The following NSMF variants were observed in gnomAD, a reference collection of about 807,000 sequenced individuals.
The protein encoded by NSMF is nasal embryonic LHRH factor.
Under a neutral mutation model 71.0 loss-of-function variants are expected in NSMF, and 31 were observed. The ratio of observed to expected loss-of-function variants is 0.44; its 90% CI spans 0.33 to 0.59. NSMF has a LOEUF of 0.59. Among genes scored for constraint, NSMF ranks in the 20% least tolerant of loss-of-function variants. NSMF has a pLI of 0.04. For synonymous variants in NSMF, 345 were observed against 287.1 expected (o/e 1.20, Z -2.04); for missense variants, 673 against 740.5 (o/e 0.91, Z 1.06).
At chr9:137,455,709 C>T (rs549957549) in intron 4 of NSMF, 75 bp from the exon 5 acceptor site, 212 of 1,490,910 alleles carry the variant, frequency 1.4e-4, no homozygotes, top group Non-Finnish European at 1.9e-4. Flanking sequence ...CCCTCAGCCC[C>T]CACCCGGTCC....
At chr9:137,456,547 C>G in intron 3 of NSMF, 61 bp from the exon 4 acceptor site, 1 of 1,192,332 alleles carries the variant, frequency 8.4e-7, no homozygotes, top group Non-Finnish European at 1.3e-6. Flanking sequence ...GCCTCTCCCT[C>G]CCTGTTGGGA....
At position 137,454,635 on chromosome 9, in the gene NSMF, A is replaced by G. The variant is rs773620633; in HGVS notation, c.780-192T>C. On this transcript the variant is annotated intron_variant, in intron 6 of 15. Transcript: ENST00000371475. ...AGTGCTCTTCCCGCGACAGCCTTCCAGGGCTCCCCTTCAACTCCAGAACAA... is the reference window on the plus strand; with the variant it reads ...AGTGCTCTTCCCGCGACAGCCTTCCGGGGCTCCCCTTCAACTCCAGAACAA... 1.5e-5 allele frequency: 23 copies of G among 1,536,088 alleles called. No homozygotes were observed. In the African/African-American group the frequency reaches 2.3e-4, roughly 16 times the overall value.
At chr9:137,450,109 G>A (rs1003060213) in intron 13 of NSMF, 67 bp downstream of exon 13, 10 of 1,584,820 alleles carry the variant, frequency 6.3e-6, no homozygotes, top group Non-Finnish European at 8.7e-6. Context: ...GGCTGTGGGG[G>A]AGGGACATGC....
chr9:137,449,848 C>T, intron 14 of NSMF, 75 bp downstream of exon 14: 1 of 1,410,418 alleles, frequency 7.1e-7, no homozygotes, highest in Non-Finnish European at 1.0e-6. Flanking sequence ...TGCCAGGAAA[C>T]ATGGAAGGCT....
At position 137,457,985 on chromosome 9, in the gene NSMF, C is replaced by T. The variant is rs1173397737; in HGVS notation, c.134-84G>A. Reference sequence around the variant, plus strand: ...ATAGCAGGCCGAAGGCAGAGAACACCCAGTGGGCACCTGGCCTCTGTGGGG... The same window carrying T: ...ATAGCAGGCCGAAGGCAGAGAACACTCAGTGGGCACCTGGCCTCTGTGGGG... On this transcript the variant is annotated intron_variant, in intron 2 of 15. Coordinates refer to ENST00000371475, the MANE Select transcript of NSMF (RefSeq NM_001130969.3). 11 of 1,526,430 alleles carry T rather than the reference C, an allele frequency of 7.2e-6. No individual in the cohort carries two copies. In the East Asian group the frequency reaches 2.4e-4, roughly 34 times the overall value. The allele number at this position is 1,526,430 out of a possible 1,614,324, so 94.6% of individuals were successfully genotyped here. A position where few individuals can be genotyped will look rare whatever the true frequency, so the allele number is the denominator to read the frequency against.
Position 137,453,723 on chromosome 9 carries a change from G to C in NSMF, c.922+8C>G. ...GGGAAGGTGGGCGGGCCTGTGCGGG[G>C]CACCTACTGTCTCGGGAGTCGTGGG... On this transcript the variant is annotated splice_region_variant and intron_variant, in intron 8 of 15. Coordinates refer to ENST00000371475, the MANE Select transcript of NSMF (RefSeq NM_001130969.3). The surrounding 1 kb of genome is among the most constrained non-coding windows in gnomAD (Gnocchi z 4.5). 1 of 1,596,500 alleles carries C rather than the reference G, an allele frequency of 6.3e-7. No homozygotes were observed. Among genetic ancestry groups the C allele is most frequent in the Non-Finnish European group, 8.5e-7 (1 of 1,174,938 alleles).
chr9:137,453,281 G>A lies in NSMF; in HGVS notation c.923-101C>T, dbSNP rs947069482. On this transcript the variant is annotated intron_variant, in intron 8 of 15. Transcript: ENST00000371475. The surrounding 1 kb of genome is among the most constrained non-coding windows in gnomAD (Gnocchi z 4.5). ...GGGCCCGAAAGCCCCATCCCGGAGG[G>A]TCCTCCAAGCAAGTGGGAGGACCAT... 13 of 1,553,642 alleles carry A rather than the reference G, an allele frequency of 8.4e-6. No homozygotes were observed. Among genetic ancestry groups the A allele is most frequent in the African/African-American group, 5.4e-5 (4 of 73,586 alleles).
In NSMF at chr9:137,452,777, T is replaced by C. The variant is rs770066494; in HGVS notation, c.1090A>G (p.Ile364Val). 24 of 1,607,006 alleles carry C rather than the reference T, an allele frequency of 1.5e-5. No homozygotes were observed. The highest frequency in any genetic ancestry group is 1.6e-4 in the Middle Eastern group (1 of 6,070). ...KVPKAEYIPT[I>V]IRRDDPSIIP... is the part of the protein sequence containing the mutation. ...ATGGAGGGGTCATCCCGGCGGATGA[T>C]AGTGGGGATGTACTCAGCCTTGGGC... Residue 364 changes from isoleucine to valine, a missense_variant, in exon 10 of 16, where the codon ATC becomes GTC. Around this residue, in one of 2 missense-constraint regions of NSMF, gnomAD observed 202 missense variants for 280.8 expected, o/e 0.72. Coordinates refer to ENST00000371475, the MANE Select transcript of NSMF (RefSeq NM_001130969.3).
chr9:137,449,713 A>AG (rs1839814137), intron 14 of NSMF, 39 bp from the exon 15 acceptor site: 1 of 1,572,964 alleles, frequency 6.4e-7, no homozygotes, highest in African/African-American at 1.4e-5. Flanking sequence ...AGGCAGAGAG[A>AG]TGGGGAAGGA....
In NSMF at chr9:137,449,058, C is replaced by T. The variant is rs911212244; in HGVS notation, c.*336G>A. On this transcript the variant is annotated 3_prime_UTR_variant, in exon 16 of 16. Coordinates refer to ENST00000371475, the MANE Select transcript of NSMF (RefSeq NM_001130969.3). Reference sequence around the variant, plus strand: ...AATGCTGCTTCCCTTTGAATTGTTTCGGGGGTGTAGAAATTGCACTTATTT... The same window carrying T: ...AATGCTGCTTCCCTTTGAATTGTTTTGGGGGTGTAGAAATTGCACTTATTT... The T allele has an allele frequency of 7.8e-5, 36 of 464,148 alleles. No homozygotes were observed. The highest frequency in any genetic ancestry group is 5.9e-4 in the African/African-American group (30 of 50,820). 28.8% of individuals were successfully genotyped at this position (464,148 alleles called of 1,614,324 possible).
In NSMF at chr9:137,449,405, C is replaced by G; in HGVS notation, c.1582G>C (p.Asp528His). The part of the protein sequence containing the change: ...RQHSKLLDFD[D>H]VL ...GAGGCCTCTGCCCCTCACAGGACGTCGTCAAAGTCCAGCAGCTTCGAGTGC... is the reference window on the plus strand; with the variant it reads ...GAGGCCTCTGCCCCTCACAGGACGTGGTCAAAGTCCAGCAGCTTCGAGTGC... The change falls in exon 16 of 16, where the codon GAC (aspartate) becomes CAC (histidine). Residue 528 changes from aspartate (D) to histidine (H), a missense_variant. Asp to His is a moderately conservative substitution (Grantham distance 81). Around this residue, in one of 2 missense-constraint regions of NSMF, gnomAD observed 202 missense variants for 280.8 expected, o/e 0.72. Coordinates refer to ENST00000371475, the MANE Select transcript of NSMF (RefSeq NM_001130969.3). 2 of 1,612,648 alleles carry G rather than the reference C, an allele frequency of 1.2e-6. No homozygotes were observed. Among genetic ancestry groups the G allele is most frequent in the Non-Finnish European group, 1.7e-6 (2 of 1,179,726 alleles).
chr9:137,455,749 T>C (rs1365496773), intron 4 of NSMF, 115 bp from the exon 5 acceptor site: 5 of 1,171,170 alleles, frequency 4.3e-6, no homozygotes, highest in African/African-American at 3.1e-5. Context: ...ACTGACCCAA[T>C]AGGTCCCTCA....
rs1839692935 is a variant in NSMF, at chr9:137,448,101, TG to T, written c.*1292del. ...GGCTATGCCCTGTGGGGTGGTCTAG[TG>T]GCCTAGCTCCAACTCTGTCCAGGCA... On this transcript the variant is annotated 3_prime_UTR_variant, in exon 16 of 16. Transcript: ENST00000371475. The surrounding 1 kb of genome is among the most constrained non-coding windows in gnomAD (Gnocchi z 5.3). 1 of 152,252 alleles carries T rather than the reference TG, an allele frequency of 6.6e-6. No homozygotes were observed. Among genetic ancestry groups the T allele is most frequent in the African/African-American group, 2.4e-5 (1 of 41,306 alleles). 9.4% of individuals were successfully genotyped at this position (152,252 alleles called of 1,614,324 possible).
chr9:137,453,078 C>G lies in NSMF; in HGVS notation c.1025G>C (p.Gly342Ala), dbSNP rs773769629. 11 of 1,612,626 alleles carry G rather than the reference C, an allele frequency of 6.8e-6. No homozygotes were observed. Among genetic ancestry groups the G allele is most frequent in the South Asian group, 2.2e-5 (2 of 91,082 alleles). ...GLEAVACDTE[G>A]FVPPKVMLIS... is the part of the protein sequence containing the mutation. ...CACCATGACCTTTGGTGGCACGAAG[C>G]CTTCGGTGTCGCAGGCCACAGCCTC... Residue 342 changes from glycine to alanine, a missense_variant, in exon 9 of 16, where the codon GGC (glycine) becomes GCC (alanine). Gly to Ala is a moderately conservative substitution (Grantham distance 60). Transcript: ENST00000371475. This position sits in a 1 kb window ranked among gnomAD's most constrained non-coding sequence, Gnocchi z 4.5.
chr9:137,456,377 A>G (rs1390497969), intron 4 of NSMF, 34 bp downstream of exon 4: 4 of 1,560,264 alleles, frequency 2.6e-6, no homozygotes, highest in Admixed American at 1.7e-5. Context: ...GAGACCACCC[A>G]ACCCTGACCC....
At chr9:137,452,686 T>C in intron 10 of NSMF, 50 bp downstream of exon 10, 1 of 1,599,640 alleles carries the variant, frequency 6.3e-7, no homozygotes, top group Non-Finnish European at 8.5e-7. Context: ...TGGCCCAGGG[T>C]GGGGCCGCAA....
intron 14 of NSMF, 120 bp downstream of exon 14, chr9:137,449,803 A>T: frequency 7.7e-7 from 1 of 1,301,410 alleles, no homozygotes. Flanking sequence ...GGCATAAAGG[A>T]TTTCTAGGGG....
chr9:137,451,184 T>C (rs1460709339), intron 12 of NSMF, among the ~76,000 whole-genome samples: 1 of 8,842 alleles, frequency 1.1e-4, no homozygotes, highest in Non-Finnish European at 2.6e-4. Flanking sequence ...CCCTTGGTCT[T>C]CCCCACCACA....
chr9:137,449,573 G>C, intron 15 of NSMF, 26 bp downstream of exon 15: 1 of 1,611,484 alleles, frequency 6.2e-7, no homozygotes, highest in Non-Finnish European at 8.5e-7. Context: ...TGGCTGCAGA[G>C]CTTCGGCCCA....
Sources: gnomAD v4.1 joint callset for allele counts (sites outside exome capture counted in the v4.1 genomes callset) on GRCh38, gnomAD v4.1.1 for gene constraint, gnomAD v4.1.1 regional missense constraint, Gnocchi (gnomAD v3.1) non-coding constraint, MANE v1.5 for transcripts, NCBI Gene and HGNC (gene_info 2026-07-23, HGNC 2026-07-21) for gene names.